The following BRSK2 variants were observed in gnomAD, a reference collection of about 807,000 sequenced individuals.
BRSK2 encodes the protein BR serine/threonine kinase 2.
Under a neutral mutation model 83.3 loss-of-function variants are expected in BRSK2, and 19 were observed. The ratio of observed to expected loss-of-function variants is 0.23; its 90% CI spans 0.16 to 0.33. BRSK2 has a LOEUF of 0.33. Among genes scored for constraint, BRSK2 ranks in the 10% least tolerant of loss-of-function variants. The pLI is 1.00. For synonymous variants in BRSK2, 519 were observed against 435.4 expected (o/e 1.19, Z -2.39); for missense variants, 798 against 1,042.3 (o/e 0.77, Z 3.23).
intron 1 of BRSK2, among the ~76,000 whole-genome samples, chr11:1,415,076 TG>T (rs1289699192): frequency 2.0e-5 from 3 of 149,524 alleles, no homozygotes; most frequent in Admixed American, 2.0e-4. Flanking sequence ...GACCTCAGAG[TG>T]GTAATTCTGT....
At chr11:1,434,650 G>A (rs893696257) in intron 1 of BRSK2, among the ~76,000 whole-genome samples, 3 of 148,252 alleles carry the variant, frequency 2.0e-5, no homozygotes, top group Admixed American at 6.7e-5. Context: ...CCAGGAGTGG[G>A]GTCCTCTGTG....
Position 1,390,346 on chromosome 11 carries a change from TG to T in BRSK2, c.64del (p.Glu22ArgfsTer12). On this transcript the variant is annotated frameshift_variant, in exon 1 of 20. Coordinates refer to ENST00000528841, the MANE Select transcript of BRSK2 (RefSeq NM_001256627.2). LOFTEE classifies it high-confidence loss of function. The surrounding 1 kb of genome is among the most constrained non-coding windows in gnomAD (Gnocchi z 6.8). ...QHAQYVGPYR[L>X]EKTLGKGQTG... ...GCGCAGTATGTTGGGCCCTACCGGCTGGAGAAGACGCTGGGCAAGGGGCAGA... is the reference window on the plus strand; with the variant it reads ...GCGCAGTATGTTGGGCCCTACCGGCTGAGAAGACGCTGGGCAAGGGGCAGA... 9.6e-7 allele frequency: 1 copy of T among 1,039,404 alleles called. No individual in the cohort carries two copies. The highest frequency in any genetic ancestry group is 4.3e-5 in the South Asian group (1 of 23,228). The allele number at this position is 1,039,404 out of a possible 1,614,324, so 64.4% of individuals were successfully genotyped here.
intron 1 of BRSK2, among the ~76,000 whole-genome samples, chr11:1,412,063 C>T (rs866386242): frequency 1.7e-4 from 1 of 6,010 alleles, no homozygotes. Flanking sequence ...TGCGCCGCCC[C>T]GTCCTGCGGT....
At chr11:1,405,006 G>C (rs910643627) in intron 1 of BRSK2, among the ~76,000 whole-genome samples, 11 of 152,268 alleles carry the variant, frequency 7.2e-5, no homozygotes, top group Middle Eastern at 6.8e-3. Flanking sequence ...GGTGGTCTAG[G>C]GGGTGGGGGT....
rs1366199983 is a variant in BRSK2 at position 1,424,283 on chromosome 11, C to T, written c.92-11757C>T. ...GCGGAGGGAGGTCTCTGCTGGGTGT[C>T]CACCTGCGAGGCCCTCACCCCCTAC... On this transcript the variant is annotated intron_variant, in intron 1 of 19. Coordinates refer to ENST00000528841, the MANE Select transcript of BRSK2 (RefSeq NM_001256627.2). 3.9e-5 allele frequency among the ~76,000 whole-genome samples: 6 copies of T among 152,096 alleles called. No homozygotes were observed. The East Asian group carries it at 1.2e-3, about 30-fold the overall frequency.
chr11:1,390,461 C>T lies in BRSK2; in HGVS notation c.91+86C>T. On this transcript the variant is annotated intron_variant, in intron 1 of 19. Transcript: ENST00000528841. The surrounding 1 kb of genome is among the most constrained non-coding windows in gnomAD (Gnocchi z 6.8). ...GGGGGCGCCCGAGGGAGGCCCCGGCCGCGAAGCCGCAGGCCCGGCCCGGGC... is the reference window on the plus strand; with the variant it reads ...GGGGGCGCCCGAGGGAGGCCCCGGCTGCGAAGCCGCAGGCCCGGCCCGGGC... 1 of 771,976 alleles carries T rather than the reference C, an allele frequency of 1.3e-6. No individual in the cohort carries two copies. The highest frequency in any genetic ancestry group is 1.6e-6 in the Non-Finnish European group (1 of 634,814). 47.8% of individuals were successfully genotyped at this position (771,976 alleles called of 1,614,324 possible). A position where few individuals can be genotyped will look rare whatever the true frequency, so the allele number is the denominator to read the frequency against.
At chr11:1,441,081 TCTC>T (rs1188733708) in intron 4 of BRSK2, among the ~76,000 whole-genome samples, 153 bp downstream of exon 4, 5 of 108,850 alleles carry the variant, frequency 4.6e-5, no homozygotes, top group Admixed American at 1.1e-4. Context: ...AAGTGCACCA[TCTC>T]CTCCTCCCCA....
rs56369975 is a variant in BRSK2, at chr11:1,445,381, C to G, written c.900C>G (p.Pro300=). The G allele has an allele frequency of 1.2e-6, 2 of 1,611,912 alleles. No homozygotes were observed. The highest frequency in any genetic ancestry group is 1.7e-6 in the Non-Finnish European group (2 of 1,179,616). ...RSLPSLEDID[P]DVLDSMHSLG... ...TGCCCAGCCTGGAGGACATCGACCCCGACGTGCTGGACAGCATGCACTCAC... is the reference window on the plus strand; with the variant it reads ...TGCCCAGCCTGGAGGACATCGACCCGGACGTGCTGGACAGCATGCACTCAC... The change falls in exon 10 of 20, where the codon CCC becomes CCG. Residue 300 remains proline (P), a synonymous_variant. Transcript: ENST00000528841.
intron 1 of BRSK2, among the ~76,000 whole-genome samples, chr11:1,411,990 C>T (rs1455669970): frequency 6.6e-6 from 1 of 151,056 alleles, no homozygotes; most frequent in Non-Finnish European, 1.5e-5. Context: ...CTGCGCCGCC[C>T]CGTCCTGCGG....
chr11:1,446,966 G>C (rs759442685), intron 12 of BRSK2, among the ~76,000 whole-genome samples: 1 of 152,132 alleles, frequency 6.6e-6, no homozygotes, highest in Non-Finnish European at 1.5e-5. Flanking sequence ...CTGCAAGGTA[G>C]CTTGGCAGCC....
At chr11:1,396,089 G>A (rs1339153763) in intron 1 of BRSK2, among the ~76,000 whole-genome samples, 1 of 152,142 alleles carries the variant, frequency 6.6e-6, no homozygotes, top group Non-Finnish European at 1.5e-5. Flanking sequence ...TGCCGAGGTG[G>A]CCAGGTCCCT....
intron 1 of BRSK2, among the ~76,000 whole-genome samples, chr11:1,394,300 G>A (rs1213885622): frequency 1.9e-4 from 25 of 128,490 alleles, no homozygotes; most frequent in Non-Finnish European, 2.6e-4. Flanking sequence ...ATGGAGATGG[G>A]CCCCTGGAGA....
In BRSK2 at chr11:1,406,980, C is replaced by T. The variant is rs189287361; in HGVS notation, c.91+16605C>T. On this transcript the variant is annotated intron_variant, in intron 1 of 19. Transcript: ENST00000528841. Reference sequence around the variant, plus strand: ...CTGCCTGTGCGTGCAAACGTGTGTGCGCATGTGTGTGGTCTGTGCATCCTT... The same window carrying T: ...CTGCCTGTGCGTGCAAACGTGTGTGTGCATGTGTGTGGTCTGTGCATCCTT... 2.1e-3 allele frequency among the ~76,000 whole-genome samples: 322 copies of T among 152,254 alleles called. 2 individuals are homozygous for T. The highest frequency in any genetic ancestry group is 7.5e-3 in the African/African-American group (311 of 41,550).
intron 1 of BRSK2, among the ~76,000 whole-genome samples, chr11:1,415,998 G>A (rs543089856): frequency 5.8e-4 from 89 of 152,386 alleles, no homozygotes; most frequent in African/African-American, 2.0e-3. Flanking sequence ...TTGCCAGTGG[G>A]AACTGGAACC....
chr11:1,415,094 CTTTT>C (rs34102200), intron 1 of BRSK2, among the ~76,000 whole-genome samples: 4 of 128,630 alleles, frequency 3.1e-5, no homozygotes, highest in East Asian at 2.3e-4. Context: ...CTGTCTTTAC[CTTTT>C]TTTTTTTTTT....
intron 1 of BRSK2, among the ~76,000 whole-genome samples, chr11:1,424,828 G>A (rs1015796064): frequency 3.9e-5 from 6 of 152,170 alleles, no homozygotes; most frequent in Admixed American, 2.0e-4. Context: ...CTGGCGGGGG[G>A]GCAGGTTGCG....
intron 18 of BRSK2, chr11:1,456,888 G>A (rs936486667): frequency 1.2e-5 from 18 of 1,541,954 alleles, no homozygotes; most frequent in South Asian, 1.2e-4. Context: ...CACCCGCCTC[G>A]CCTCTGCACG....
chr11:1,449,747 G>A, intron 12 of BRSK2, 29 bp from the exon 13 acceptor site: 6 of 1,601,122 alleles, frequency 3.7e-6, no homozygotes, highest in Non-Finnish European at 5.1e-6. Flanking sequence ...CCCTGGCTGA[G>A]CAGTGGCCCT....
chr11:1,394,153 G>A (rs111164723), intron 1 of BRSK2, among the ~76,000 whole-genome samples: 1 of 121,936 alleles, frequency 8.2e-6, no homozygotes. Context: ...CCATGGAGAT[G>A]GGCCATGGAG....
Sources: gnomAD v4.1 joint callset for allele counts (sites outside exome capture counted in the v4.1 genomes callset) on GRCh38, gnomAD v4.1.1 for gene constraint, Gnocchi (gnomAD v3.1) non-coding constraint, MANE v1.5 for transcripts, NCBI Gene and HGNC (gene_info 2026-07-23, HGNC 2026-07-21) for gene names.